Variants in INPP5F observed in about 807,000 individuals in gnomAD.
The protein encoded by INPP5F is inositol polyphosphate-5-phosphatase F.
Under a neutral mutation model 137.2 loss-of-function variants are expected in INPP5F, and 97 were observed. That is an observed-to-expected ratio of 0.71 (90% CI 0.60 to 0.84). The LOEUF (loss-of-function observed/expected upper bound fraction) is 0.84. Among genes scored for constraint, INPP5F ranks in the 40% least tolerant of loss-of-function variants. The pLI is 0.00. For missense variants in INPP5F, 1,271 were observed against 1,371.9 expected (o/e 0.93, Z 1.16); for synonymous variants, 504 against 476.9 (o/e 1.06, Z -0.74).
intron 2 of INPP5F, among the ~76,000 whole-genome samples, chr10:119,771,872 ATATATATAT>A (rs1564819865): frequency 5.5e-5 from 1 of 18,276 alleles, no homozygotes; most frequent in Non-Finnish European, 1.0e-4. Context: ...ATATATATAT[ATATATATAT>A]ATTTTTTTTT....
At chr10:119,767,816 A>G (rs1465212344) in intron 2 of INPP5F, among the ~76,000 whole-genome samples, 2 of 152,240 alleles carry the variant, frequency 1.3e-5, no homozygotes, top group Admixed American at 1.3e-4. Flanking sequence ...CAAAAATAAC[A>G]AAATGTTCAA....
chr10:119,772,579 T>C (rs2134164048), intron 2 of INPP5F, among the ~76,000 whole-genome samples: 1 of 152,326 alleles, frequency 6.6e-6, no homozygotes, highest in East Asian at 1.9e-4. Context: ...CTGGATTATG[T>C]ATCATGCTTC....
chr10:119,727,647 C>T (rs575956243), intron 1 of INPP5F, among the ~76,000 whole-genome samples: 3 of 152,302 alleles, frequency 2.0e-5, no homozygotes, highest in Admixed American at 6.5e-5. Flanking sequence ...TTATTTTTTT[C>T]CTCAGGCTCT....
At chr10:119,780,495 T>G (rs1262077385) in intron 2 of INPP5F, among the ~76,000 whole-genome samples, 1 of 152,190 alleles carries the variant, frequency 6.6e-6, no homozygotes, top group Non-Finnish European at 1.5e-5. Context: ...GAGGTTTGCT[T>G]GAGCCCAGGA....
At chr10:119,795,178 G>T (rs1274775436) in intron 6 of INPP5F, among the ~76,000 whole-genome samples, 1 of 146,488 alleles carries the variant, frequency 6.8e-6, no homozygotes, top group Non-Finnish European at 1.5e-5. Context: ...GGGCAGAGGG[G>T]CTCCTCACTT....
At position 119,802,918 on chromosome 10, in the gene INPP5F, T is replaced by G. The variant is rs553538115; in HGVS notation, c.1117-1255T>G. On this transcript the variant is annotated intron_variant, in intron 9 of 19. Transcript: ENST00000650623. ...GCCTAGGTATAGGTGAAAACTCATT[T>G]TCTGTTTTAAATTGCATTTCTTTGA... Among the ~76,000 whole-genome samples the G allele has an allele frequency of 7.2e-5, 11 of 152,324 alleles. No individual in the cohort carries two copies. The South Asian group carries it at 2.1e-3, about 29-fold the overall frequency.
chr10:119,777,362 A>G (rs774634678), intron 2 of INPP5F, among the ~76,000 whole-genome samples: 1 of 152,144 alleles, frequency 6.6e-6, no homozygotes, highest in South Asian at 2.1e-4. Context: ...ACAACAACAA[A>G]AAAACCCACA....
intron 3 of INPP5F, among the ~76,000 whole-genome samples, chr10:119,789,053 G>A (rs1337020549): frequency 4.6e-5 from 7 of 152,100 alleles, no homozygotes; most frequent in East Asian, 3.9e-4. Context: ...TGGAGAAACC[G>A]TGTCTCTACT....
intron 19 of INPP5F, among the ~76,000 whole-genome samples, chr10:119,824,884 T>A (rs886626662): frequency 6.6e-6 from 1 of 152,358 alleles, no homozygotes; most frequent in South Asian, 2.1e-4. Context: ...TTGCCAAAGA[T>A]TGTATTTTAT....
intron 2 of INPP5F, among the ~76,000 whole-genome samples, chr10:119,765,436 ATC>A (rs1849127401): frequency 6.6e-6 from 1 of 151,774 alleles, no homozygotes; most frequent in Admixed American, 6.6e-5. Flanking sequence ...AAGTGGCGTG[ATC>A]TCAGCTCACT....
intron 16 of INPP5F, 116 bp downstream of exon 16, chr10:119,821,033 A>G: frequency 2.9e-6 from 2 of 688,076 alleles, no homozygotes; most frequent in South Asian, 3.5e-5. Context: ...GTATTTTATG[A>G]AACTTCATTG....
At position 119,729,398 on chromosome 10, in the gene INPP5F, C is replaced by T. The variant is rs187532000; in HGVS notation, c.97+3039C>T. On this transcript the variant is annotated intron_variant, in intron 1 of 19. Transcript: ENST00000650623. ...CTGACCTCAGGTGATCTGCCCACCTCGGCCCCCCAAAGTACTGGGATTATA... is the reference window on the plus strand; with the variant it reads ...CTGACCTCAGGTGATCTGCCCACCTTGGCCCCCCAAAGTACTGGGATTATA... Among the ~76,000 whole-genome samples, 666 of 152,168 alleles carry T rather than the reference C, an allele frequency of 4.4e-3. 4 individuals are homozygous for T. The highest frequency in any genetic ancestry group is 0.015 in the African/African-American group (611 of 41,498).
rs375385262 is a variant in INPP5F at position 119,756,691 on chromosome 10, G to T, written c.178+5535G>T. The stretch of plus-strand genomic sequence containing the variant: ...GAACAAGTCACTAAAAGACTACATT[G>T]TGAAAATGTATAAAAAGTAATGTTT... On this transcript the variant is annotated intron_variant, in intron 2 of 19. Coordinates refer to ENST00000650623, the MANE Select transcript of INPP5F (RefSeq NM_014937.4). Among the ~76,000 whole-genome samples, 9 of 152,190 alleles carry T rather than the reference G, an allele frequency of 5.9e-5. No individual in the cohort carries two copies. The South Asian group carries it at 1.7e-3, about 28-fold the overall frequency.
chr10:119,781,896 A>T, intron 3 of INPP5F, 125 bp downstream of exon 3: 1 of 801,834 alleles, frequency 1.2e-6, no homozygotes, highest in Non-Finnish European at 1.9e-6. Context: ...AAATAATTTA[A>T]TCCTAAGATT....
At chr10:119,733,666 C>T (rs1848148247) in intron 1 of INPP5F, among the ~76,000 whole-genome samples, 1 of 152,162 alleles carries the variant, frequency 6.6e-6, no homozygotes, top group Non-Finnish European at 1.5e-5. Context: ...TTTGGCCAGG[C>T]CCTGGCCAGC....
intron 6 of INPP5F, among the ~76,000 whole-genome samples, chr10:119,793,394 T>TAAAAC (rs59082717): frequency 0.062 from 9,292 of 149,586 alleles, 338 homozygotes; most frequent in South Asian, 0.095. Flanking sequence ...GCAGGCTGCA[T>TAAAAC]AAAACAAAAC....
intron 6 of INPP5F, among the ~76,000 whole-genome samples, chr10:119,792,618 T>C (rs1404129412): frequency 6.6e-6 from 1 of 151,362 alleles, no homozygotes; most frequent in African/African-American, 2.4e-5. Flanking sequence ...GTTTTCTATC[T>C]GGGAATTGGA....
chr10:119,746,468 A>G (rs1197611629), intron 1 of INPP5F, among the ~76,000 whole-genome samples: 2 of 152,142 alleles, frequency 1.3e-5, no homozygotes, highest in African/African-American at 4.8e-5. Flanking sequence ...GCAGATGTTG[A>G]GACATGGTCT....
At chr10:119,734,154 A>G (rs1408989327) in intron 1 of INPP5F, among the ~76,000 whole-genome samples, 2 of 152,240 alleles carry the variant, frequency 1.3e-5, no homozygotes, top group Admixed American at 1.3e-4. Flanking sequence ...TCTGAATAAA[A>G]ATAAATGGGA....
Sources: allele counts gnomAD v4.1 joint callset (sites outside exome capture counted in the v4.1 genomes callset), GRCh38; gene constraint gnomAD v4.1.1; transcripts MANE v1.5; gene names NCBI Gene and HGNC (gene_info 2026-07-23, HGNC 2026-07-21).